The following GFOD1 variants were observed in gnomAD, a reference collection of about 807,000 sequenced individuals.
GFOD1 encodes glucose-fructose oxidoreductase domain-containing protein 1.
Under a neutral mutation model 25.4 loss-of-function variants are expected in GFOD1, and 9 were observed. The observed-to-expected ratio is 0.35, with a 90% confidence interval of 0.21 to 0.62. The LOEUF (loss-of-function observed/expected upper bound fraction) is 0.62. Among genes scored for constraint, GFOD1 ranks in the 20% least tolerant of loss-of-function variants. The pLI is 0.72. For missense variants in GFOD1, 403 were observed against 556.9 expected (o/e 0.72, Z 2.78); for synonymous variants, 253 against 245.6 (o/e 1.03, Z -0.28).
intron 1 of GFOD1, among the ~76,000 whole-genome samples, chr6:13,406,308 G>A (rs887196704): frequency 3.3e-5 from 5 of 152,126 alleles, no homozygotes; most frequent in Admixed American, 1.3e-4. Context: ...AAAATGAAAC[G>A]CCGTTTGCTG....
intron 1 of GFOD1, among the ~76,000 whole-genome samples, chr6:13,431,913 C>A (rs1757755514): frequency 6.6e-6 from 1 of 152,142 alleles, no homozygotes; most frequent in African/African-American, 2.4e-5. Context: ...CCTCTAACGG[C>A]AGATTTCATG....
chr6:13,366,714 C>T (rs1353219137), intron 1 of GFOD1, among the ~76,000 whole-genome samples: 2 of 151,806 alleles, frequency 1.3e-5, no homozygotes, highest in Non-Finnish European at 2.9e-5. Flanking sequence ...AGGCCGGTCT[C>T]GAATTCCTGG....
At chr6:13,406,514 G>A (rs1041254966) in intron 1 of GFOD1, among the ~76,000 whole-genome samples, 1 of 152,138 alleles carries the variant, frequency 6.6e-6, no homozygotes, top group Non-Finnish European at 1.5e-5. Flanking sequence ...GGGAGGGGAG[G>A]GCAGAAAGAA....
At chr6:13,395,070 A>G (rs1046937731) in intron 1 of GFOD1, among the ~76,000 whole-genome samples, 1 of 152,206 alleles carries the variant, frequency 6.6e-6, no homozygotes, top group Middle Eastern at 3.2e-3. Context: ...GGTGTGAGCC[A>G]CTGTGCCTGG....
chr6:13,372,833 C>T (rs1480820727), intron 1 of GFOD1, among the ~76,000 whole-genome samples: 1 of 152,174 alleles, frequency 6.6e-6, no homozygotes, highest in East Asian at 1.9e-4. Context: ...AGAGGCAATG[C>T]TACTTTCCAC....
rs1377302570 is a variant in GFOD1, at chr6:13,363,582, TTTG to T, written c.*1158_*1160del. The T allele has an allele frequency of 2.7e-4, 38 of 138,584 alleles. No individual in the cohort carries two copies. Among genetic ancestry groups the T allele is most frequent in the Middle Eastern group, 3.7e-3 (1 of 272 alleles). 8.6% of individuals were successfully genotyped at this position (138,584 alleles called of 1,614,324 possible). A position where few individuals can be genotyped will look rare whatever the true frequency, so the allele number is the denominator to read the frequency against. ...TTTTTTTTTTTTTTTTTTTTTTTTT[TTTG>T]TAAGGAAAGAGGATTCTGATTGGAA... On this transcript the variant is annotated 3_prime_UTR_variant, in exon 2 of 2. Transcript: ENST00000379287.
rs79503328 is a variant in GFOD1 at position 13,467,606 on chromosome 6, T to C, written c.253+19032A>G. Reference sequence around the variant, plus strand: ...AATGGAAATGTTGCAATTGTACATTTTCTTTGGAAGGCTGAATGGCGCATT... The same window carrying C: ...AATGGAAATGTTGCAATTGTACATTCTCTTTGGAAGGCTGAATGGCGCATT... On this transcript the variant is annotated intron_variant, in intron 1 of 1. Coordinates refer to ENST00000379287, the MANE Select transcript of GFOD1 (RefSeq NM_018988.4). Among the ~76,000 whole-genome samples the C allele has an allele frequency of 4.2e-3, 646 of 152,320 alleles. 4 individuals carry two copies. The highest frequency in any genetic ancestry group is 0.015 in the African/African-American group (629 of 41,566).
intron 1 of GFOD1, among the ~76,000 whole-genome samples, chr6:13,456,826 A>T (rs547949455): frequency 7.9e-5 from 12 of 152,292 alleles, no homozygotes; most frequent in African/African-American, 2.9e-4. Flanking sequence ...CTATTCAGAC[A>T]ATCACAGGGA....
chr6:13,427,969 C>T (rs551501168), intron 1 of GFOD1, among the ~76,000 whole-genome samples: 10 of 152,124 alleles, frequency 6.6e-5, no homozygotes, highest in Non-Finnish European at 7.4e-5. Context: ...AATCGCAAGT[C>T]CCCGATGGAA....
chr6:13,449,216 A>G (rs1758054776), intron 1 of GFOD1, among the ~76,000 whole-genome samples: 1 of 152,164 alleles, frequency 6.6e-6, no homozygotes, highest in Non-Finnish European at 1.5e-5. Context: ...GCTTGAGCCC[A>G]GGAGGTTGGG....
At position 13,367,058 on chromosome 6, in the gene GFOD1, G is replaced by T. The variant is rs546115879; in HGVS notation, c.254-1396C>A. ...AATCTTTTTACATATAAAATATATTGTTACAGTTATCATATATATAAAATG... is the reference window on the plus strand; with the variant it reads ...AATCTTTTTACATATAAAATATATTTTTACAGTTATCATATATATAAAATG... On this transcript the variant is annotated intron_variant, in intron 1 of 1. Coordinates refer to ENST00000379287, the MANE Select transcript of GFOD1 (RefSeq NM_018988.4). Among the ~76,000 whole-genome samples, 419 of 151,136 alleles carry T rather than the reference G, an allele frequency of 2.8e-3. 2 individuals are homozygous for T. The highest frequency in any genetic ancestry group is 4.4e-3 in the Admixed American group (67 of 15,218).
At chr6:13,394,111 G>A (rs1344862827) in intron 1 of GFOD1, among the ~76,000 whole-genome samples, 1 of 152,124 alleles carries the variant, frequency 6.6e-6, no homozygotes, top group East Asian at 1.9e-4. Context: ...TACAGTTATT[G>A]TGCAAGCTAG....
At chr6:13,414,694 G>A (rs553714329) in intron 1 of GFOD1, among the ~76,000 whole-genome samples, 3 of 152,312 alleles carry the variant, frequency 2.0e-5, no homozygotes, top group African/African-American at 7.2e-5. Context: ...TGTAGGAAAT[G>A]CTTGATAAAT....
chr6:13,426,150 G>A (rs1786347992), intron 1 of GFOD1, among the ~76,000 whole-genome samples: 1 of 152,234 alleles, frequency 6.6e-6, no homozygotes, highest in African/African-American at 2.4e-5. Context: ...CAGCAGACGT[G>A]GAAAGCAGGT....
At chr6:13,409,172 A>AAAGGAAGGAAGGAAAGAAAGAAAG (rs1554201904) in intron 1 of GFOD1, among the ~76,000 whole-genome samples, 1 of 53,192 alleles carries the variant, frequency 1.9e-5, no homozygotes, top group African/African-American at 5.7e-5. Flanking sequence ...GAAAGGAAAG[A>AAAGGAAGGAAGGAAAGAAAGAAAG]GAGAGAGAGA....
intron 1 of GFOD1, among the ~76,000 whole-genome samples, chr6:13,412,898 T>G (rs1786103592): frequency 6.6e-6 from 1 of 152,248 alleles, no homozygotes; most frequent in African/African-American, 2.4e-5. Flanking sequence ...GGGGATCCTG[T>G]CTGCCTCAGA....
At chr6:13,450,439 G>T (rs1758075432) in intron 1 of GFOD1, among the ~76,000 whole-genome samples, 1 of 152,192 alleles carries the variant, frequency 6.6e-6, no homozygotes, top group Non-Finnish European at 1.5e-5. Flanking sequence ...GCAGGACTCA[G>T]CATACAGCTG....
chr6:13,408,274 G>A (rs909563120), intron 1 of GFOD1: 6 of 177,658 alleles, frequency 3.4e-5, no homozygotes, highest in Admixed American at 2.6e-4. Context: ...CAATTGCCTC[G>A]CTTTGCCTAA....
In GFOD1 at chr6:13,358,383, C is replaced by G. The variant is rs1257259679; in HGVS notation, c.*6360G>C. The G allele has an allele frequency of 6.6e-6, 1 of 151,818 alleles. No homozygotes were observed. Among genetic ancestry groups the G allele is most frequent in the Non-Finnish European group, 1.5e-5 (1 of 67,998 alleles). The allele number at this position is 151,818 out of a possible 1,614,324, so 9.4% of individuals were successfully genotyped here. On this transcript the variant is annotated 3_prime_UTR_variant, in exon 2 of 2. Transcript: ENST00000379287. ...ATAAATATATACTCGACAATGACAG[C>G]CAAACAAATGCCATTTTGGTTAAAA...
Sources: gnomAD v4.1 joint callset for allele counts (sites outside exome capture counted in the v4.1 genomes callset) on GRCh38, gnomAD v4.1.1 for gene constraint, MANE v1.5 for transcripts, NCBI Gene and HGNC (gene_info 2026-07-23, HGNC 2026-07-21) for gene names.